FARP1: variants seen among roughly 807,000 people sequenced by gnomAD.
The protein encoded by FARP1 is FERM, ARH/RhoGEF and pleckstrin domain protein 1.
In FARP1, 52 loss-of-function variants were observed where a neutral mutation model predicts 128.8. The ratio of observed to expected loss-of-function variants is 0.40; its 90% CI spans 0.32 to 0.51. The LOEUF is 0.51. Among genes scored for constraint, FARP1 ranks in the 20% least tolerant of loss-of-function variants. The pLI, the probability that FARP1 is intolerant of heterozygous loss-of-function variation, is 0.45. For missense variants in FARP1, 1,333 were observed against 1,367.9 expected, an observed-to-expected ratio of 0.97 and a Z score of 0.40; for synonymous variants, 580 against 551.8, an observed-to-expected ratio of 1.05 and a Z score of -0.72.
At chr13:98,246,412 C>A (rs183707056) in intron 2 of FARP1, among the ~76,000 whole-genome samples, 2 of 152,214 alleles carry the variant, frequency 1.3e-5, no homozygotes, top group East Asian at 3.9e-4. Flanking sequence ...ATTCTTAATT[C>A]TCATCTGTAG....
At chr13:98,262,000 T>G (rs1883903801) in intron 2 of FARP1, among the ~76,000 whole-genome samples, 1 of 151,428 alleles carries the variant, frequency 6.6e-6, no homozygotes, top group Non-Finnish European at 1.5e-5. Context: ...AGGTTGATAC[T>G]GTGCCCACCC....
intron 1 of FARP1, among the ~76,000 whole-genome samples, chr13:98,206,292 C>T (rs1880263142): frequency 1.3e-5 from 2 of 151,976 alleles, no homozygotes; most frequent in African/African-American, 4.8e-5. Flanking sequence ...CTAATGCAGT[C>T]TGTCTTTTTC....
intron 2 of FARP1, among the ~76,000 whole-genome samples, chr13:98,314,748 A>G (rs1364552752): frequency 2.0e-5 from 3 of 152,212 alleles, no homozygotes; most frequent in African/African-American, 4.8e-5. Flanking sequence ...TTTTGAGGCA[A>G]TTAGACCCCA....
At chr13:98,305,137 T>A (rs896079732) in intron 2 of FARP1, among the ~76,000 whole-genome samples, 7 of 150,890 alleles carry the variant, frequency 4.6e-5, no homozygotes, top group African/African-American at 1.5e-4. Context: ...TTTATTTATT[T>A]TTTATTTTTA....
intron 2 of FARP1, chr13:98,333,708 T>C (rs1465932242): frequency 6.6e-6 from 1 of 152,192 alleles, no homozygotes; most frequent in African/African-American, 2.4e-5. Context: ...TCAGGGGCAG[T>C]GTGGCCGCCC....
chr13:98,423,298 G>T (rs577870585), intron 16 of FARP1, among the ~76,000 whole-genome samples: 2 of 151,770 alleles, frequency 1.3e-5, no homozygotes, highest in African/African-American at 4.9e-5. Flanking sequence ...GTTGACACTC[G>T]ATATTAACCA....
chr13:98,388,461 C>G lies in FARP1; in HGVS notation c.838C>G (p.Leu280Val), dbSNP rs531760099. ...CAAGAGGAAGCGCTTTCTCATCAAG[C>G]TCCGGCCAGATGCCAATGTAAGTGG... ...SFKRKRFLIK[L>V]RPDANSAYQD... Residue 280 changes from leucine to valine, a missense_variant, in exon 9 of 27, where the codon CTC becomes GTC. Around this residue, in one of 2 missense-constraint regions of FARP1, gnomAD observed 324 missense variants for 398.1 expected, o/e 0.81. Coordinates refer to ENST00000319562, the MANE Select transcript of FARP1 (RefSeq NM_005766.4). 25 of 1,613,692 alleles carry G rather than the reference C, an allele frequency of 1.5e-5. No homozygotes were observed. Among genetic ancestry groups the G allele is most frequent in the Non-Finnish European group, 2.0e-5 (24 of 1,179,696 alleles).
At chr13:98,251,883 C>T (rs1017297846) in intron 2 of FARP1, among the ~76,000 whole-genome samples, 3 of 152,134 alleles carry the variant, frequency 2.0e-5, no homozygotes, top group Non-Finnish European at 2.9e-5. Flanking sequence ...GTCTCATTCA[C>T]TCTGTTGCCC....
At chr13:98,172,007 G>C (rs926084582) in intron 1 of FARP1, among the ~76,000 whole-genome samples, 2 of 152,150 alleles carry the variant, frequency 1.3e-5, no homozygotes, top group East Asian at 3.9e-4. Context: ...GCGCTCTGGG[G>C]GTGTCTGCCT....
chr13:98,444,542 G>A (rs948951893), intron 24 of FARP1, among the ~76,000 whole-genome samples: 2 of 152,202 alleles, frequency 1.3e-5, no homozygotes, highest in South Asian at 2.1e-4. Context: ...GACTCATGGC[G>A]CGCAGGGCCC....
intron 2 of FARP1, among the ~76,000 whole-genome samples, chr13:98,238,571 G>T (rs1235580435): frequency 6.6e-6 from 1 of 152,172 alleles, no homozygotes; most frequent in Non-Finnish European, 1.5e-5. Flanking sequence ...GAGGAGAAAG[G>T]CATGTCTTAC....
At chr13:98,384,694 C>G (rs1890029607) in intron 6 of FARP1, 36 bp from the exon 7 acceptor site, 1 of 1,297,772 alleles carries the variant, frequency 7.7e-7, no homozygotes, top group Non-Finnish European at 1.1e-6. Flanking sequence ...AAGTGTCATT[C>G]CTACGTGACC....
chr13:98,296,289 G>T (rs189813398), intron 2 of FARP1, among the ~76,000 whole-genome samples: 1 of 151,900 alleles, frequency 6.6e-6, no homozygotes, highest in East Asian at 1.9e-4. Flanking sequence ...TTCCTGTCCC[G>T]TGGCCCCCCG....
At position 98,390,103 on chromosome 13, in the gene FARP1, G is replaced by A. The variant is rs755887898; in HGVS notation, c.1002G>A (p.Gly334=). 4 of 1,613,840 alleles carry A rather than the reference G, an allele frequency of 2.5e-6. No individual in the cohort carries two copies. The highest frequency in any genetic ancestry group is 1.7e-6 in the Non-Finnish European group (2 of 1,179,950). ...CCAAGCCCGTCCTCTTTAGCCGGGG[G>A]TCATCATTTCGGTTCAGGTGAGGTC... ...PKPKPVLFSR[G]SSFRFSGRTQ... is the part of the protein sequence containing the mutation. Residue 334 remains glycine, a synonymous_variant, in exon 10 of 27, where the codon GGG becomes GGA. Transcript: ENST00000319562.
chr13:98,335,672 A>G (rs753065168), intron 2 of FARP1, among the ~76,000 whole-genome samples: 10 of 152,178 alleles, frequency 6.6e-5, no homozygotes, highest in Non-Finnish European at 1.3e-4. Flanking sequence ...TGCTCGATAA[A>G]TACACCGCAG....
At chr13:98,270,863 G>T (rs1246841638) in intron 2 of FARP1, among the ~76,000 whole-genome samples, 3 of 152,090 alleles carry the variant, frequency 2.0e-5, no homozygotes, top group Non-Finnish European at 4.4e-5. Flanking sequence ...AGTGTACAGA[G>T]ATGGTGTGGT....
In FARP1 at chr13:98,386,197, T is replaced by TC. The variant is rs1177087642; in HGVS notation, c.759+383_759+384insC. On this transcript the variant is annotated intron_variant, in intron 8 of 26. Coordinates refer to ENST00000319562, the MANE Select transcript of FARP1 (RefSeq NM_005766.4). ...TGCTGTAATGTGATCCTTTTTTTTT[T>TC]TTTTTTTTTTTCAAACACAGTTTGG... 2.5e-3 allele frequency among the ~76,000 whole-genome samples: 382 copies of TC among 151,512 alleles called. 4 individuals are homozygous for TC. Among genetic ancestry groups the TC allele is most frequent in the South Asian group, 9.8e-3 (47 of 4,778 alleles).
At chr13:98,213,484 C>T (rs1316631163) in intron 2 of FARP1, 71 bp downstream of exon 2, 5 of 1,491,790 alleles carry the variant, frequency 3.4e-6, no homozygotes, top group East Asian at 4.6e-5. Flanking sequence ...AGGTTCGGCT[C>T]ATTCCCATGG....
At chr13:98,312,734 A>G (rs1350525469) in intron 2 of FARP1, among the ~76,000 whole-genome samples, 1 of 152,122 alleles carries the variant, frequency 6.6e-6, no homozygotes, top group African/African-American at 2.4e-5. Flanking sequence ...ACATCAGTTT[A>G]TAAGCCTCTC....
Sources: allele counts gnomAD v4.1 joint callset (sites outside exome capture counted in the v4.1 genomes callset), GRCh38; gene constraint gnomAD v4.1.1; regional missense constraint gnomAD v4.1.1; transcripts MANE v1.5; gene names NCBI Gene and HGNC (gene_info 2026-07-23, HGNC 2026-07-21).